Variants in VAV1 observed in about 807,000 individuals in gnomAD.
VAV1 encodes the protein vav guanine nucleotide exchange factor 1.
VAV1 carries 33 observed loss-of-function variants against 128.1 expected under a neutral mutation model. The ratio of observed to expected loss-of-function variants is 0.26; its 90% CI spans 0.20 to 0.34. The LOEUF is 0.34. VAV1 is among the 10% of genes least tolerant of loss of function. VAV1 has a pLI of 1.00. For missense variants in VAV1, 715 were observed against 1,093.7 expected (o/e 0.65, Z 4.88); for synonymous variants, 394 against 409.8 (o/e 0.96, Z 0.47).
intron 23 of VAV1, among the ~76,000 whole-genome samples, chr19:6,849,836 T>C (rs574271188): frequency 6.6e-6 from 1 of 152,290 alleles, no homozygotes; most frequent in Non-Finnish European, 1.5e-5. Context: ...CAGTCCACTG[T>C]TGATGGGCAC....
intron 1 of VAV1, among the ~76,000 whole-genome samples, chr19:6,789,745 G>A (rs1246359969): frequency 2.6e-5 from 4 of 152,042 alleles, no homozygotes; most frequent in Admixed American, 1.3e-4. Flanking sequence ...TTATAGGCAT[G>A]TGCCACCATA....
chr19:6,818,219 G>T (rs762034032), intron 1 of VAV1, among the ~76,000 whole-genome samples: 1 of 152,178 alleles, frequency 6.6e-6, no homozygotes, highest in Non-Finnish European at 1.5e-5. Flanking sequence ...TTTAAATAGG[G>T]TGGCTAGAGG....
chr19:6,856,368 T>G (rs566705826), intron 26 of VAV1, among the ~76,000 whole-genome samples: 1 of 151,720 alleles, frequency 6.6e-6, no homozygotes, highest in South Asian at 2.1e-4. Context: ...AAAAAGCTTG[T>G]AAATAAGCAA....
At position 6,820,330 on chromosome 19, in the gene VAV1, G is replaced by A. The variant is rs1208821685; in HGVS notation, c.205-372G>A. ...AGCTCACCGCAGGCTCGAACTCCTG[G>A]GCTCAGTGATCCACTCATCTCCGCC... On this transcript the variant is annotated intron_variant, in intron 1 of 26. Coordinates refer to ENST00000602142, the MANE Select transcript of VAV1 (RefSeq NM_005428.4). This position sits in a 1 kb window ranked among gnomAD's most constrained non-coding sequence, Gnocchi z 4.4. 6.6e-6 allele frequency among the ~76,000 whole-genome samples: 1 copy of A among 152,062 alleles called. No homozygotes were observed. Among genetic ancestry groups the A allele is most frequent in the Admixed American group, 6.6e-5 (1 of 15,258 alleles).
chr19:6,828,806 A>C lies in VAV1; in HGVS notation c.1180-9A>C, dbSNP rs202159280. 12 of 1,614,114 alleles carry C rather than the reference A, an allele frequency of 7.4e-6. No homozygotes were observed. The highest frequency in any genetic ancestry group is 1.6e-4 in the Middle Eastern group (1 of 6,062). On this transcript the variant is annotated splice_polypyrimidine_tract_variant and intron_variant, in intron 12 of 26. Transcript: ENST00000602142. The surrounding 1 kb of genome is among the most constrained non-coding windows in gnomAD (Gnocchi z 4.5). ...GAGACCCTTGCTAGACCCCCTGCCT[A>C]CTGCATAGGACCAGTCTCTGGCTCA...
chr19:6,841,478 C>CTTTTCT (rs1972375388), intron 21 of VAV1, among the ~76,000 whole-genome samples: 1 of 135,630 alleles, frequency 7.4e-6, no homozygotes, highest in East Asian at 2.1e-4. Context: ...TTTTTCTTTT[C>CTTTTCT]TTTTTTTTTT....
chr19:6,817,527 G>A (rs949939518), intron 1 of VAV1, among the ~76,000 whole-genome samples: 6 of 152,054 alleles, frequency 3.9e-5, no homozygotes, highest in Admixed American at 1.3e-4. Flanking sequence ...TACTATCATA[G>A]TTGCTGGGCA....
rs1451778734 is a variant in VAV1, at chr19:6,853,997, G to A, written c.2383G>A (p.Ala795Thr). Residue 795 changes from alanine (A) to threonine (T), a missense_variant, in exon 26 of 27, where the codon GCC becomes ACC. Transcript: ENST00000602142. ...AGCCAAAGCCCGCTATGACTTCTGC[G>A]CCCGAGACCGATCAGAGCTGTCGCT... ...GTAKARYDFC[A>T]RDRSELSLKE... 1.2e-6 allele frequency: 2 copies of A among 1,613,802 alleles called. No homozygotes were observed. The highest frequency in any genetic ancestry group is 1.7e-6 in the Non-Finnish European group (2 of 1,180,044).
intron 1 of VAV1, among the ~76,000 whole-genome samples, chr19:6,801,965 G>A (rs759986829): frequency 1.3e-5 from 2 of 152,198 alleles, no homozygotes. Context: ...GTGGGTGCCC[G>A]CCTCTTCCTG....
rs185327441 is a variant in VAV1 at position 6,780,844 on chromosome 19, G to A, written c.204+7833G>A. On this transcript the variant is annotated intron_variant, in intron 1 of 26. Coordinates refer to ENST00000602142, the MANE Select transcript of VAV1 (RefSeq NM_005428.4). ...CCGCCTCAGCCTCCCAAAGTGCTGG[G>A]ATTACACGTGATAGCCACCATGCCC... Among the ~76,000 whole-genome samples, 299 of 150,464 alleles carry A rather than the reference G, an allele frequency of 2.0e-3. 3 individuals are homozygous for A. Among genetic ancestry groups the A allele is most frequent in the African/African-American group, 6.9e-3 (286 of 41,342 alleles).
chr19:6,825,198 C>A, intron 7 of VAV1, 77 bp downstream of exon 7: 1 of 1,574,960 alleles, frequency 6.3e-7, no homozygotes, highest in Admixed American at 1.7e-5. Context: ...CCCTGGAGTA[C>A]GGGGGTTGGG....
intron 20 of VAV1, 65 bp from the exon 21 acceptor site, chr19:6,836,920 G>T: frequency 6.5e-7 from 1 of 1,528,420 alleles, no homozygotes; most frequent in Non-Finnish European, 9.1e-7. Context: ...TATGGGTTTA[G>T]ATGGCAGGTG....
intron 1 of VAV1, among the ~76,000 whole-genome samples, chr19:6,773,291 G>T (rs990165909): frequency 6.6e-6 from 1 of 152,054 alleles, no homozygotes; most frequent in Non-Finnish European, 1.5e-5. Context: ...AGCCCCAGGC[G>T]CCTCTACTGT....
rs1971965666 is a variant in VAV1 at position 6,828,260 on chromosome 19, G to A, written c.1023+89G>A. The A allele has an allele frequency of 1.3e-6, 2 of 1,547,136 alleles. No homozygotes were observed. The highest frequency in any genetic ancestry group is 1.8e-6 in the Non-Finnish European group (2 of 1,129,680). ...GACGGGGCTGGCTTCTGGGGGTTGG[G>A]TCTCTAGGACGCTCGGGGATGGGTC... is the stretch of plus-strand genomic sequence containing the variant. On this transcript the variant is annotated intron_variant, in intron 10 of 26. Coordinates refer to ENST00000602142, the MANE Select transcript of VAV1 (RefSeq NM_005428.4). This position sits in a 1 kb window ranked among gnomAD's most constrained non-coding sequence, Gnocchi z 4.5.
intron 1 of VAV1, among the ~76,000 whole-genome samples, chr19:6,797,899 G>T (rs1173984163): frequency 4.6e-5 from 7 of 151,700 alleles, no homozygotes; most frequent in Admixed American, 4.6e-4. Flanking sequence ...CCTAGTTTTA[G>T]GGGAAAGACA....
intron 1 of VAV1, among the ~76,000 whole-genome samples, chr19:6,796,844 A>G (rs917777674): frequency 1.2e-4 from 19 of 152,190 alleles, no homozygotes; most frequent in African/African-American, 4.3e-4. Flanking sequence ...CTTTGCCAGA[A>G]TATCAGCCCC....
At chr19:6,815,310 T>G (rs542729925) in intron 1 of VAV1, among the ~76,000 whole-genome samples, 66 of 151,808 alleles carry the variant, frequency 4.3e-4, no homozygotes, top group Admixed American at 7.9e-4. Flanking sequence ...CCAGGCTAAT[T>G]TTTGTATTTT....
intron 23 of VAV1, among the ~76,000 whole-genome samples, chr19:6,848,930 A>T (rs895689617): frequency 2.0e-5 from 3 of 151,574 alleles, no homozygotes; most frequent in Non-Finnish European, 4.4e-5. Context: ...AGTGGCTGGG[A>T]CTATAGGTGT....
intron 1 of VAV1, among the ~76,000 whole-genome samples, chr19:6,784,684 G>A (rs1047470718): frequency 1.3e-5 from 2 of 151,986 alleles, no homozygotes; most frequent in African/African-American, 2.4e-5. Flanking sequence ...AGTAGAGACG[G>A]GGTTTCACCA....
Sources: allele counts gnomAD v4.1 joint callset (sites outside exome capture counted in the v4.1 genomes callset), GRCh38; gene constraint gnomAD v4.1.1; non-coding constraint Gnocchi (gnomAD v3.1); transcripts MANE v1.5; gene names NCBI Gene and HGNC (gene_info 2026-07-23, HGNC 2026-07-21).